The following ELP1 variants were observed in gnomAD, a reference collection of about 807,000 sequenced individuals.
ELP1 encodes the protein elongator acetyltransferase complex subunit 1.
ELP1 carries 131 observed loss-of-function variants against 183.2 expected under a neutral mutation model. The observed-to-expected ratio is 0.72, with a 90% CI of 0.62 to 0.83. The LOEUF (loss-of-function observed/expected upper bound fraction) is 0.83, where lower values mean the gene tolerates loss of function less well. Ranked by LOEUF, ELP1 falls within the 40% of genes least tolerant of loss-of-function variation. The pLI is 0.00. For missense variants in ELP1, 1,550 were observed against 1,594.9 expected, an observed-to-expected ratio of 0.97 and a Z score of 0.48; for synonymous variants, 555 against 569.0, an observed-to-expected ratio of 0.98 and a Z score of 0.35.
chr9:108,923,541 T>C (rs955108716), intron 5 of ELP1, among the ~76,000 whole-genome samples: 2 of 152,186 alleles, frequency 1.3e-5, no homozygotes, highest in South Asian at 2.1e-4. Context: ...GTAAGAAGAA[T>C]GAAACATAAA....
rs147069577 is a variant in ELP1 at position 108,889,384 on chromosome 9, A to G, written c.3170T>C (p.Val1057Ala). The G allele has an allele frequency of 6.8e-6, 11 of 1,614,038 alleles. No homozygotes were observed. Among genetic ancestry groups the G allele is most frequent in the Non-Finnish European group, 9.3e-6 (11 of 1,179,986 alleles). The change falls in exon 29 of 37, where the codon GTT becomes GCT. Residue 1057 changes from valine (V) to alanine (A), a missense_variant. Val to Ala is a moderately conservative substitution (Grantham distance 64). Coordinates refer to ENST00000374647, the MANE Select transcript of ELP1 (RefSeq NM_003640.5). ...CGCATCAATGTGCTTCCTCTGCTCA[A>G]CCAGCTTTCCTGTAGAGACAATAAG... is the stretch of plus-strand genomic sequence containing the variant. ...GLGRTLAGKL[V>A]EQRKHIDAAM... is the part of the protein sequence containing the mutation.
intron 29 of ELP1, among the ~76,000 whole-genome samples, chr9:108,882,973 G>A (rs1427703138): frequency 1.3e-5 from 2 of 152,158 alleles, no homozygotes. Context: ...TATAGGATTT[G>A]CAAATATCTT....
chr9:108,927,306 T>G, intron 4 of ELP1, 66 bp downstream of exon 4: 10 of 1,325,542 alleles, frequency 7.5e-6, no homozygotes, highest in Non-Finnish European at 3.3e-6. Flanking sequence ...CTAAAGCTGA[T>G]GAAGCCTGTA....
At chr9:108,869,237 C>G in intron 36 of ELP1, 55 bp from the exon 37 acceptor site, 2 of 1,462,062 alleles carry the variant, frequency 1.4e-6, no homozygotes, top group Non-Finnish European at 1.9e-6. Context: ...TTGGAGGGCG[C>G]TGAGGCAGTA....
chr9:108,907,023 C>A (rs1829047103), intron 13 of ELP1, among the ~76,000 whole-genome samples: 1 of 152,188 alleles, frequency 6.6e-6, no homozygotes, highest in South Asian at 2.1e-4. Context: ...CCTTTTAGAT[C>A]AGGTGGCAAA....
In ELP1 at chr9:108,894,011, T is replaced by TA; in HGVS notation, c.2791dup (p.Tyr931LeufsTer14). The TA allele has an allele frequency of 6.3e-7, 1 of 1,597,688 alleles. No homozygotes were observed. Among genetic ancestry groups the TA allele is most frequent in the Non-Finnish European group, 8.6e-7 (1 of 1,165,262 alleles). ...GTATTTGTCTATAGTAAACCGCTGA[T>TA]AATTAGTTTCCATTTTCTTAAGTGT... is the stretch of plus-strand genomic sequence containing the variant. On this transcript the variant is annotated frameshift_variant, in exon 26 of 37. Transcript: ENST00000374647. LOFTEE classifies it high-confidence loss of function.
At chr9:108,895,311 A>G (rs1445940953) in intron 25 of ELP1, among the ~76,000 whole-genome samples, 1 of 152,184 alleles carries the variant, frequency 6.6e-6, no homozygotes, top group East Asian at 1.9e-4. Flanking sequence ...ACAGAAGCAT[A>G]TAGGAGGGTC....
intron 12 of ELP1, among the ~76,000 whole-genome samples, chr9:108,910,155 T>C (rs1340710528): frequency 6.6e-6 from 1 of 152,184 alleles, no homozygotes; most frequent in African/African-American, 2.4e-5. Flanking sequence ...TGAACATATT[T>C]GCACTTTTTT....
chr9:108,901,623 G>A lies in ELP1; in HGVS notation c.1908+5C>T. The A allele has an allele frequency of 1.2e-6, 2 of 1,613,896 alleles. No individual in the cohort carries two copies. The highest frequency in any genetic ancestry group is 1.7e-6 in the Non-Finnish European group (2 of 1,179,766). On this transcript the variant is annotated splice_donor_5th_base_variant and intron_variant, in intron 17 of 36. Transcript: ENST00000374647. ...AGGATCCAACACCAAACCAAGCCTTGATACCTCAATGTCATTGATGAAAAA... is the reference window on the plus strand; with the variant it reads ...AGGATCCAACACCAAACCAAGCCTTAATACCTCAATGTCATTGATGAAAAA...
intron 1 of ELP1, among the ~76,000 whole-genome samples, chr9:108,932,903 C>G (rs1343201027): frequency 1.3e-5 from 2 of 152,196 alleles, no homozygotes; most frequent in Middle Eastern, 3.2e-3. Flanking sequence ...TCCCTCCACA[C>G]CAAAGGTCAA....
At chr9:108,900,440 T>C (rs1016196089) in intron 18 of ELP1, 65 bp from the exon 19 acceptor site, 2 of 1,087,424 alleles carry the variant, frequency 1.8e-6, no homozygotes, top group Admixed American at 3.4e-5. Context: ...TAACTGCAAT[T>C]GAAACCGCAC....
chr9:108,878,853 C>G, intron 33 of ELP1, 103 bp from the exon 34 acceptor site: 2 of 1,167,920 alleles, frequency 1.7e-6, no homozygotes, highest in African/African-American at 1.5e-5. Flanking sequence ...GATGACCCCA[C>G]ACAACTTCAC....
At chr9:108,888,058 T>C (rs1347715282) in intron 29 of ELP1, among the ~76,000 whole-genome samples, 2 of 152,302 alleles carry the variant, frequency 1.3e-5, no homozygotes, top group East Asian at 1.9e-4. Context: ...AATTCTGACA[T>C]ATACATATAA....
At chr9:108,922,955 T>A in intron 5 of ELP1, 28 bp from the exon 6 acceptor site, 1 of 1,513,484 alleles carries the variant, frequency 6.6e-7, no homozygotes, top group Non-Finnish European at 9.2e-7. Flanking sequence ...AGACAACTAA[T>A]AAGCCACATG....
chr9:108,891,223 C>G lies in ELP1; in HGVS notation c.3140G>C (p.Gly1047Ala). The change falls in exon 28 of 37, where the codon GGC becomes GCC. Residue 1047 changes from glycine (G) to alanine (A), a missense_variant. Coordinates refer to ENST00000374647, the MANE Select transcript of ELP1 (RefSeq NM_003640.5). ...QLNFTKDQLVGLGRTLAGKLV... is the reference protein window; with the variant it reads ...QLNFTKDQLVALGRTLAGKLV... ...CTTACCTGCCAGAGTTCTGCCGAGG[C>G]CCACCAGCTGGTCTTTGGTAAAGTT... The G allele has an allele frequency of 6.2e-7, 1 of 1,614,162 alleles. No homozygotes were observed.
intron 24 of ELP1, 138 bp from the exon 25 acceptor site, chr9:108,896,782 A>G: frequency 9.6e-7 from 1 of 1,039,960 alleles, no homozygotes; most frequent in Non-Finnish European, 1.5e-6. Context: ...TGATACTTTT[A>G]TATATGCTTT....
intron 6 of ELP1, among the ~76,000 whole-genome samples, chr9:108,920,840 T>A (rs1273222013): frequency 6.6e-6 from 1 of 152,116 alleles, no homozygotes; most frequent in Non-Finnish European, 1.5e-5. Flanking sequence ...GTACATTAGA[T>A]AACAGGATGC....
rs886063348 is a variant in ELP1, at chr9:108,903,604, A to G, written c.1709T>C (p.Val570Ala). 3.1e-6 allele frequency: 5 copies of G among 1,613,822 alleles called. No homozygotes were observed. Among genetic ancestry groups the G allele is most frequent in the South Asian group, 1.1e-5 (1 of 91,074 alleles). Residue 570 changes from valine to alanine, a missense_variant, in exon 15 of 37, where the codon GTA (valine) becomes GCA (alanine). Physicochemically the swap from Val to Ala is moderately conservative, Grantham distance 64 (BLOSUM62 0). Transcript: ENST00000374647. Reference sequence around the variant, plus strand: ...TATCTGGCCATCAGCCAGCTGTAATACTACTGACTTGGTCTTGGAATTGCA... The same window carrying G: ...TATCTGGCCATCAGCCAGCTGTAATGCTACTGACTTGGTCTTGGAATTGCA... ...LCCNSKTKSV[V>A]LQLADGQIFK...
chr9:108,927,311 C>T (rs1829851722), intron 4 of ELP1, 61 bp downstream of exon 4: 7 of 1,353,746 alleles, frequency 5.2e-6, no homozygotes, highest in Non-Finnish European at 7.4e-6. Context: ...GCTGATGAAG[C>T]CTGTAAGACA....
Sources: gnomAD v4.1 joint callset for allele counts (sites outside exome capture counted in the v4.1 genomes callset) on GRCh38, gnomAD v4.1.1 for gene constraint, MANE v1.5 for transcripts, NCBI Gene and HGNC (gene_info 2026-07-23, HGNC 2026-07-21) for gene names.